VDAC2: variants seen among roughly 807,000 people sequenced by gnomAD.
VDAC2 encodes non-selective voltage-gated ion channel VDAC2.
A neutral mutation model predicts 36.6 loss-of-function variants in VDAC2; 6 were observed. The observed-to-expected ratio is 0.16, with a 90% CI of 0.09 to 0.32. VDAC2 has a LOEUF of 0.32. Among genes scored for constraint, VDAC2 ranks in the 10% least tolerant of loss-of-function variants. VDAC2 has a pLI of 1.00. For synonymous variants in VDAC2, 109 were observed against 123.8 expected, an observed-to-expected ratio of 0.88 and a Z score of 0.79; for missense variants, 247 against 346.0, an observed-to-expected ratio of 0.71 and a Z score of 2.27.
intron 8 of VDAC2, chr10:75,229,409 T>C (rs2132285621): frequency 2.8e-6 from 1 of 362,542 alleles, no homozygotes; most frequent in South Asian, 4.7e-5. Context: ...TTGGGGTCTT[T>C]GGATACATTC....
chr10:75,216,064 C>T (rs1035766360), intron 4 of VDAC2, among the ~76,000 whole-genome samples: 6 of 152,144 alleles, frequency 3.9e-5, no homozygotes, highest in Non-Finnish European at 7.3e-5. Context: ...TCATATCTGT[C>T]GCTTGGTTTT....
chr10:75,218,209 G>A, intron 4 of VDAC2: 1 of 287,170 alleles, frequency 3.5e-6, no homozygotes. Flanking sequence ...CATGCTGAGT[G>A]CAGTGGTGGG....
At chr10:75,217,084 C>T (rs1468734467) in intron 4 of VDAC2, among the ~76,000 whole-genome samples, 2 of 151,710 alleles carry the variant, frequency 1.3e-5, no homozygotes, top group African/African-American at 4.8e-5. Flanking sequence ...AGTGAGACCC[C>T]GTCTCTACAA....
In VDAC2 at chr10:75,219,218, A is replaced by G; in HGVS notation, c.303+3A>G. On this transcript the variant is annotated splice_donor_region_variant and intron_variant, in intron 5 of 9. Transcript: ENST00000332211. ...CAGAAATCGCAATTGAAGACCAGGT[A>G]ACATTTTGAAAATTTTAGTATTAAT... is the stretch of plus-strand genomic sequence containing the variant. The G allele has an allele frequency of 6.3e-7, 1 of 1,587,116 alleles. No individual in the cohort carries two copies. The highest frequency in any genetic ancestry group is 8.5e-7 in the Non-Finnish European group (1 of 1,170,130).
intron 8 of VDAC2, chr10:75,229,369 G>A (rs889310002): frequency 3.9e-6 from 1 of 253,230 alleles, no homozygotes; most frequent in East Asian, 7.9e-5. Flanking sequence ...TTTTATGAGA[G>A]TGCTTAGGCT....
Position 75,228,980 on chromosome 10 carries a change from G to A in VDAC2, c.736-664G>A, listed in dbSNP as rs1454887749. ...CGGTAACTAAGTCCTAAAATGTTGG[G>A]ATTGTGCAAGGAAGGCAGGGGCCTG... is the stretch of plus-strand genomic sequence containing the variant. On this transcript the variant is annotated intron_variant, in intron 8 of 9. Transcript: ENST00000332211. 2.6e-5 allele frequency among the ~76,000 whole-genome samples: 4 copies of A among 152,280 alleles called. No individual in the cohort carries two copies. In the East Asian group the frequency reaches 7.7e-4, roughly 29 times the overall value.
intron 2 of VDAC2, chr10:75,211,452 AGTT>A (rs1472678150): frequency 1.3e-6 from 2 of 1,493,834 alleles, no homozygotes; most frequent in Admixed American, 2.4e-5. Context: ...AGAAGTAAAA[AGTT>A]GTTAATTGGG....
At chr10:75,211,395 CTG>C in intron 2 of VDAC2, 1 of 1,432,390 alleles carries the variant, frequency 7.0e-7, no homozygotes. Flanking sequence ...GGGAGTTGGT[CTG>C]TGGCCGCATG....
chr10:75,230,600 G>T (rs1480995816), intron 9 of VDAC2, among the ~76,000 whole-genome samples: 10 of 152,160 alleles, frequency 6.6e-5, no homozygotes, highest in Admixed American at 3.3e-4. Flanking sequence ...TTATGATTAT[G>T]TCTTTAGTCT....
intron 2 of VDAC2, chr10:75,211,672 C>G (rs1478352111): frequency 9.0e-6 from 14 of 1,550,328 alleles, no homozygotes; most frequent in Non-Finnish European, 1.0e-5. Context: ...AAGTTTGAAG[C>G]GCTATTTGAT....
intron 6 of VDAC2, among the ~76,000 whole-genome samples, chr10:75,219,899 C>T (rs1354565660): frequency 6.6e-6 from 1 of 151,498 alleles, no homozygotes; most frequent in Non-Finnish European, 1.5e-5. Flanking sequence ...GCGATCTCGG[C>T]TCACTGCAAC....
At chr10:75,226,243 A>G (rs1841948157) in intron 8 of VDAC2, among the ~76,000 whole-genome samples, 1 of 150,732 alleles carries the variant, frequency 6.6e-6, no homozygotes, top group African/African-American at 2.5e-5. Flanking sequence ...GCTGTAAGGG[A>G]TCCCTGTTTG....
Position 75,210,921 on chromosome 10 carries a change from C to T in VDAC2, c.-43C>T. On this transcript the variant is annotated 5_prime_UTR_variant, in exon 1 of 10. Coordinates refer to ENST00000332211, the MANE Select transcript of VDAC2 (RefSeq NM_001391963.1). ...GCTAGCGGAGCGGTGGCGGCGGCCC[C>T]CCTCAGGACACCACCAGGTACCGCC... 5.0e-6 allele frequency: 2 copies of T among 402,812 alleles called. No homozygotes were observed. Among genetic ancestry groups the T allele is most frequent in the East Asian group, 3.7e-5 (1 of 26,674 alleles). 25.0% of individuals were successfully genotyped at this position (402,812 alleles called of 1,614,324 possible). A position where few individuals can be genotyped will look rare whatever the true frequency, so the allele number is the denominator to read the frequency against.
Position 75,230,899 on chromosome 10 carries a change from T to C in VDAC2, c.795T>C (p.Gly265=), listed in dbSNP as rs747305875. 1.9e-6 allele frequency: 3 copies of C among 1,612,956 alleles called. No homozygotes were observed. The highest frequency in any genetic ancestry group is 1.7e-5 in the Admixed American group (1 of 59,820). The change falls in exon 10 of 10, where the codon GGT becomes GGC. Residue 265 remains glycine (G), a splice_region_variant and synonymous_variant. Transcript: ENST00000332211. ...GVGYTQTLRP[G]VKLTLSALVD... is the part of the protein sequence containing the mutation. Reference sequence around the variant, plus strand: ...TTTTGTGTTTTTTTGTCTTAATAGGTGTGAAGCTTACACTCTCTGCTCTGG... The same window carrying C: ...TTTTGTGTTTTTTTGTCTTAATAGGCGTGAAGCTTACACTCTCTGCTCTGG...
At chr10:75,217,528 C>T (rs145960446) in intron 4 of VDAC2, among the ~76,000 whole-genome samples, 1,943 of 152,236 alleles carry the variant, frequency 0.013, 19 homozygotes, top group Non-Finnish European at 0.02. Context: ...CAGGGATGCA[C>T]CACCATGCCC....
intron 4 of VDAC2, among the ~76,000 whole-genome samples, chr10:75,215,342 T>TAG (rs938594679): frequency 1.3e-5 from 2 of 151,458 alleles, no homozygotes; most frequent in Non-Finnish European, 2.9e-5. Context: ...TGTATATATA[T>TAG]AGAGAGAGAG....
chr10:75,221,726 A>G (rs1028991878), intron 7 of VDAC2, among the ~76,000 whole-genome samples: 3 of 152,146 alleles, frequency 2.0e-5, no homozygotes, highest in Admixed American at 1.3e-4. Flanking sequence ...CTCCCGCCTC[A>G]GCCTTCCAAA....
chr10:75,211,469 T>A, intron 2 of VDAC2: 1 of 1,508,886 alleles, frequency 6.6e-7, no homozygotes, highest in Non-Finnish European at 8.9e-7. Context: ...AATTGGGGAT[T>A]CTGCCTTTGG....
At chr10:75,218,816 T>C (rs1240329136) in intron 4 of VDAC2, among the ~76,000 whole-genome samples, 4 of 151,996 alleles carry the variant, frequency 2.6e-5, no homozygotes, top group African/African-American at 9.7e-5. Context: ...CAGGTTAACT[T>C]GTGATTGATT....
Sources: allele counts gnomAD v4.1 joint callset (sites outside exome capture counted in the v4.1 genomes callset), GRCh38; gene constraint gnomAD v4.1.1; transcripts MANE v1.5; gene names NCBI Gene and HGNC (gene_info 2026-07-23, HGNC 2026-07-21).